The following WDR1 variants were observed in gnomAD, a reference collection of about 807,000 sequenced individuals.
WDR1 encodes WD repeat domain 1.
WDR1 carries 21 observed loss-of-function variants against 71.9 expected under a neutral mutation model. The observed-to-expected ratio is 0.29, with a 90% CI of 0.21 to 0.42. WDR1 has a LOEUF of 0.42. Among genes scored for constraint, WDR1 ranks in the 10% least tolerant of loss-of-function variants. The pLI is 1.00. For synonymous variants in WDR1, 424 were observed against 347.4 expected (o/e 1.22, Z -2.45); for missense variants, 696 against 824.5 (o/e 0.84, Z 1.91).
Position 10,111,310 on chromosome 4 carries a change from C to T in WDR1, c.138+4803G>A, listed in dbSNP as rs940543447. Among the ~76,000 whole-genome samples the T allele has an allele frequency of 9.9e-5, 15 of 152,154 alleles. 1 individual carries two copies. The highest frequency in any genetic ancestry group is 3.3e-4 in the Admixed American group (5 of 15,282). Reference sequence around the variant, plus strand: ...AACAGCCCATAAGCACCCGGCCCTTCGGTCCTCCCAGATGTGGTCCCATCT... The same window carrying T: ...AACAGCCCATAAGCACCCGGCCCTTTGGTCCTCCCAGATGTGGTCCCATCT... On this transcript the variant is annotated intron_variant, in intron 2 of 14. Transcript: ENST00000499869.
intron 14 of WDR1, 84 bp from the exon 15 acceptor site, chr4:10,075,568 G>T: frequency 1.6e-6 from 2 of 1,287,536 alleles, no homozygotes; most frequent in Non-Finnish European, 2.2e-6. Context: ...GGAACAACCT[G>T]TGCCTAAATC....
At chr4:10,090,483 C>G (rs931255412) in intron 5 of WDR1, among the ~76,000 whole-genome samples, 2 of 152,218 alleles carry the variant, frequency 1.3e-5, no homozygotes, top group African/African-American at 4.8e-5. Context: ...AGGCCACTCC[C>G]CGCCCCAGAA....
intron 5 of WDR1, chr4:10,096,746 G>A (rs2109674444): frequency 6.6e-6 from 1 of 152,340 alleles, no homozygotes; most frequent in East Asian, 1.9e-4. Context: ...TTAAGGACAT[G>A]ATCTCATTAA....
intron 5 of WDR1, among the ~76,000 whole-genome samples, chr4:10,090,681 G>C (rs2109662430): frequency 6.6e-6 from 1 of 152,342 alleles, no homozygotes; most frequent in East Asian, 1.9e-4. Context: ...CACAGGCCCA[G>C]CAGGCCCTGG....
In WDR1 at chr4:10,083,187, G is replaced by A. The variant is rs780252306; in HGVS notation, c.1040-9C>T. ...CTCTGAATCCCAGTAATGTAGGGTG[G>A]GGTTAAGGAAAAGCCCGGCTCCCAG... On this transcript the variant is annotated splice_polypyrimidine_tract_variant and intron_variant, in intron 9 of 14. Coordinates refer to ENST00000499869, the MANE Select transcript of WDR1 (RefSeq NM_017491.5). 1.9e-6 allele frequency: 3 copies of A among 1,612,210 alleles called. No individual in the cohort carries two copies. In the South Asian group the frequency reaches 3.3e-5, roughly 18 times the overall value.
intron 11 of WDR1, among the ~76,000 whole-genome samples, chr4:10,079,212 A>T (rs1282792932): frequency 3.9e-5 from 6 of 152,234 alleles, no homozygotes; most frequent in Non-Finnish European, 7.3e-5. Flanking sequence ...GGGGCAGGAA[A>T]CACAACTAAC....
At chr4:10,084,000 C>T (rs1765111854) in intron 9 of WDR1, among the ~76,000 whole-genome samples, 1 of 152,222 alleles carries the variant, frequency 6.6e-6, no homozygotes, top group Non-Finnish European at 1.5e-5. Flanking sequence ...GCTCTCTGGG[C>T]TCTGGTTTTC....
chr4:10,107,046 C>T (rs1713064011), intron 2 of WDR1, among the ~76,000 whole-genome samples: 1 of 152,102 alleles, frequency 6.6e-6, no homozygotes, highest in African/African-American at 2.4e-5. Context: ...TGGGGAAAAA[C>T]TCTGGAATGG....
At chr4:10,113,975 T>G (rs1713552265) in intron 2 of WDR1, among the ~76,000 whole-genome samples, 1 of 152,112 alleles carries the variant, frequency 6.6e-6, no homozygotes, top group African/African-American at 2.4e-5. Context: ...TCTTCCCTCT[T>G]CCCTCCCTGA....
rs750651644 is a variant in WDR1 at position 10,115,982 on chromosome 4, G to A, written c.138+131C>T. The A allele has an allele frequency of 3.1e-6, 4 of 1,295,756 alleles. No homozygotes were observed. The Admixed American group carries it at 7.6e-5, about 25-fold the overall frequency. The allele number at this position is 1,295,756 out of a possible 1,614,324, so 80.3% of individuals were successfully genotyped here. ...TCCGGGGCTCCGAGGTGTGGCTCCC[G>A]GTAGAGGGGGCGTGGCGCCCTCACC... On this transcript the variant is annotated intron_variant, in intron 2 of 14. Coordinates refer to ENST00000499869, the MANE Select transcript of WDR1 (RefSeq NM_017491.5).
In WDR1 at chr4:10,074,766, C is replaced by T. The variant is rs1370993015; in HGVS notation, c.*612G>A. 1 of 152,352 alleles carries T rather than the reference C, an allele frequency of 6.6e-6. No individual in the cohort carries two copies. Among genetic ancestry groups the T allele is most frequent in the Non-Finnish European group, 1.5e-5 (1 of 68,084 alleles). The allele number at this position is 152,352 out of a possible 1,614,324, so 9.4% of individuals were successfully genotyped here. A position where few individuals can be genotyped will look rare whatever the true frequency, so the allele number is the denominator to read the frequency against. ...ATACATTAAAAAAAAAGGAAAGATA[C>T]CCACAATTCCATTCTTAAAATCAAG... On this transcript the variant is annotated 3_prime_UTR_variant, in exon 15 of 15. Coordinates refer to ENST00000499869, the MANE Select transcript of WDR1 (RefSeq NM_017491.5).
At chr4:10,079,785 G>A (rs892577284) in intron 11 of WDR1, among the ~76,000 whole-genome samples, 21 of 152,164 alleles carry the variant, frequency 1.4e-4, no homozygotes, top group African/African-American at 4.8e-4. Flanking sequence ...CGCGATGAAT[G>A]GTAGCAGCAC....
At chr4:10,112,973 T>C (rs547787943) in intron 2 of WDR1, among the ~76,000 whole-genome samples, 1 of 152,304 alleles carries the variant, frequency 6.6e-6, no homozygotes, top group South Asian at 2.1e-4. Context: ...TTCCTACTTA[T>C]TGTCAGCAAT....
chr4:10,083,304 C>T, intron 9 of WDR1, 126 bp from the exon 10 acceptor site: 1 of 1,254,944 alleles, frequency 8.0e-7, no homozygotes, highest in South Asian at 1.5e-5. Flanking sequence ...CATAACCATT[C>T]CCCCTGGGAA....
chr4:10,101,211 G>A (rs1019041511), intron 3 of WDR1, among the ~76,000 whole-genome samples: 6 of 152,228 alleles, frequency 3.9e-5, no homozygotes, highest in Admixed American at 1.3e-4. Context: ...GGACTGCCCC[G>A]TGGGAATGTG....
intron 13 of WDR1, 127 bp from the exon 14 acceptor site, chr4:10,077,575 C>T (rs997568623): frequency 1.5e-5 from 22 of 1,506,584 alleles, no homozygotes; most frequent in Non-Finnish European, 1.7e-5. Flanking sequence ...TCTATGCCAG[C>T]GACCCCTGCA....
intron 11 of WDR1, among the ~76,000 whole-genome samples, chr4:10,080,809 C>A (rs1764985204): frequency 1.3e-5 from 2 of 152,216 alleles, no homozygotes; most frequent in African/African-American, 2.4e-5. Flanking sequence ...CAGGTGCCAC[C>A]CTTCTGCATG....
chr4:10,097,672 A>G, intron 5 of WDR1, 39 bp downstream of exon 5: 1 of 1,588,872 alleles, frequency 6.3e-7, no homozygotes, highest in African/African-American at 1.3e-5. Flanking sequence ...AGCCTCATGT[A>G]CAAACCACAA....
chr4:10,103,686 C>A (rs992505020), intron 3 of WDR1, among the ~76,000 whole-genome samples: 1 of 152,152 alleles, frequency 6.6e-6, no homozygotes. Flanking sequence ...CATGGGCCAC[C>A]GGTTGGACAA....
Sources: allele counts gnomAD v4.1 joint callset (sites outside exome capture counted in the v4.1 genomes callset), GRCh38; gene constraint gnomAD v4.1.1; transcripts MANE v1.5; gene names NCBI Gene and HGNC (gene_info 2026-07-23, HGNC 2026-07-21).